Variants in DOCK4 observed in about 807,000 individuals in gnomAD.
DOCK4 encodes the protein dedicator of cytokinesis protein 4.
In DOCK4, 97 loss-of-function variants were observed where a neutral mutation model predicts 268.1. The observed-to-expected ratio is 0.36, with a 90% CI of 0.31 to 0.43. The LOEUF (loss-of-function observed/expected upper bound fraction) is 0.43, where lower values mean the gene tolerates loss of function less well. Among genes scored for constraint, DOCK4 ranks in the 20% least tolerant of loss-of-function variants. The pLI, the probability that DOCK4 is intolerant of heterozygous loss-of-function variation, is 1.00. For missense variants in DOCK4, 2,145 were observed against 2,455.7 expected (o/e 0.87, Z 2.67); for synonymous variants, 954 against 887.2 (o/e 1.08, Z -1.34).
At chr7:111,836,172 G>C (rs1327531716) in intron 25 of DOCK4, among the ~76,000 whole-genome samples, 1 of 150,602 alleles carries the variant, frequency 6.6e-6, no homozygotes, top group Non-Finnish European at 1.5e-5. Context: ...ACAGTGCCTT[G>C]TGCTCACACA....
chr7:111,961,098 C>T lies in DOCK4; in HGVS notation c.702-15300G>A, dbSNP rs992584579. Among the ~76,000 whole-genome samples the T allele has an allele frequency of 2.6e-5, 4 of 152,214 alleles. No individual in the cohort carries two copies. The South Asian group carries it at 6.2e-4, about 24-fold the overall frequency. Reference sequence around the variant, plus strand: ...CGTTTGCTCCACGTCTGCTTGCCTTCCTCCTACAACTCACTTTCAGTCCTC... The same window carrying T: ...CGTTTGCTCCACGTCTGCTTGCCTTTCTCCTACAACTCACTTTCAGTCCTC... On this transcript the variant is annotated intron_variant, in intron 8 of 52. Transcript: ENST00000428084.
intron 30 of DOCK4, among the ~76,000 whole-genome samples, chr7:111,791,499 G>A (rs750742460): frequency 6.6e-5 from 10 of 151,650 alleles, no homozygotes; most frequent in Admixed American, 2.0e-4. Context: ...ACCCAGGCTG[G>A]AGTGCAGTGA....
intron 23 of DOCK4, 141 bp downstream of exon 23, chr7:111,863,231 A>G (rs1303623881): frequency 6.0e-6 from 5 of 830,742 alleles, no homozygotes. Context: ...ACTACTAAAT[A>G]CATTTACCAT....
chr7:112,130,142 G>A (rs546966034), intron 1 of DOCK4, among the ~76,000 whole-genome samples: 15 of 152,278 alleles, frequency 9.9e-5, no homozygotes, highest in African/African-American at 3.1e-4. Flanking sequence ...TGGCAAACCT[G>A]GAAGGAAAGA....
At chr7:111,862,096 C>T (rs372504817) in intron 23 of DOCK4, among the ~76,000 whole-genome samples, 1 of 151,950 alleles carries the variant, frequency 6.6e-6, no homozygotes. Context: ...GTCAGGAGTT[C>T]GACAGCAGCC....
At chr7:112,091,769 T>C (rs1248839071) in intron 1 of DOCK4, among the ~76,000 whole-genome samples, 1 of 152,146 alleles carries the variant, frequency 6.6e-6, no homozygotes, top group African/African-American at 2.4e-5. Flanking sequence ...TGTGTCCTCC[T>C]GAGATTTGAA....
intron 1 of DOCK4, among the ~76,000 whole-genome samples, chr7:112,074,629 T>C (rs1363178231): frequency 1.3e-5 from 2 of 152,226 alleles, no homozygotes; most frequent in African/African-American, 2.4e-5. Flanking sequence ...CTTGTCTGTC[T>C]GTGGTTCCTG....
At chr7:111,735,003 C>T in intron 51 of DOCK4, 51 bp downstream of exon 51, 2 of 1,393,452 alleles carry the variant, frequency 1.4e-6, no homozygotes, top group Admixed American at 3.9e-5. Flanking sequence ...CTGGAGTAGT[C>T]AATAAAAGTT....
At chr7:111,808,737 GGTAAAT>G in intron 30 of DOCK4, 78 bp downstream of exon 30, 1 of 1,401,638 alleles carries the variant, frequency 7.1e-7, no homozygotes, top group Non-Finnish European at 9.9e-7. Context: ...TGGTGTCACT[GGTAAAT>G]TGCCTTTCTT....
intron 8 of DOCK4, chr7:111,953,853 C>T (rs1036890795): frequency 2.0e-5 from 3 of 152,204 alleles, no homozygotes; most frequent in African/African-American, 7.2e-5. Flanking sequence ...CCAGAGGTAT[C>T]CCTACCAACA....
intron 3 of DOCK4, 139 bp from the exon 4 acceptor site, chr7:111,998,642 G>A (rs966478552): frequency 2.0e-6 from 1 of 488,484 alleles, no homozygotes; most frequent in Non-Finnish European, 3.6e-6. Flanking sequence ...ACATTCTCTT[G>A]GATGAAATCT....
chr7:111,978,183 T>A (rs540936382), intron 7 of DOCK4, among the ~76,000 whole-genome samples: 1 of 152,290 alleles, frequency 6.6e-6, no homozygotes, highest in South Asian at 2.1e-4. Flanking sequence ...TTGTCACACA[T>A]ACACATGTAA....
intron 5 of DOCK4, among the ~76,000 whole-genome samples, chr7:111,991,961 C>CAAAAAAAAAAAAAAAA (rs60667093): frequency 2.0e-5 from 1 of 50,916 alleles, no homozygotes; most frequent in African/African-American, 8.2e-5. Flanking sequence ...ACTCTGTCTC[C>CAAAAAAAAAAAAAAAA]AAAAAAAAAA....
At chr7:111,914,072 G>A (rs75110626) in intron 13 of DOCK4, among the ~76,000 whole-genome samples, 2,605 of 152,114 alleles carry the variant, frequency 0.017, 78 homozygotes, top group African/African-American at 0.058. Flanking sequence ...ACCTCCTCAG[G>A]AAATTTTAAC....
At chr7:112,041,929 T>C (rs1179816080) in intron 1 of DOCK4, among the ~76,000 whole-genome samples, 1 of 152,130 alleles carries the variant, frequency 6.6e-6, no homozygotes, top group African/African-American at 2.4e-5. Context: ...TGTCAGCCTA[T>C]GGGCGTATAG....
At chr7:112,068,804 G>A (rs1807314033) in intron 1 of DOCK4, among the ~76,000 whole-genome samples, 1 of 152,042 alleles carries the variant, frequency 6.6e-6, no homozygotes, top group African/African-American at 2.4e-5. Context: ...ATGTCCCAAG[G>A]TACTTCTTGA....
chr7:111,922,644 C>G (rs1390851872), intron 12 of DOCK4, among the ~76,000 whole-genome samples: 1 of 152,004 alleles, frequency 6.6e-6, no homozygotes. Flanking sequence ...TGCAGTGGTG[C>G]GATCTTGGCT....
At chr7:112,129,640 AG>A (rs1385265803) in intron 1 of DOCK4, among the ~76,000 whole-genome samples, 1 of 152,236 alleles carries the variant, frequency 6.6e-6, no homozygotes, top group Admixed American at 6.5e-5. Flanking sequence ...AGCTGAGTGA[AG>A]GGTACATAAA....
intron 8 of DOCK4, among the ~76,000 whole-genome samples, chr7:111,948,656 G>A (rs1042665717): frequency 5.3e-5 from 8 of 150,966 alleles, no homozygotes; most frequent in South Asian, 2.1e-4. Context: ...GTGCAATGGC[G>A]CGATCTCGGC....
Sources: allele counts gnomAD v4.1 joint callset (sites outside exome capture counted in the v4.1 genomes callset), GRCh38; gene constraint gnomAD v4.1.1; transcripts MANE v1.5; gene names NCBI Gene and HGNC (gene_info 2026-07-23, HGNC 2026-07-21).